MAPK10: variants seen among roughly 807,000 people sequenced by gnomAD.
The protein encoded by MAPK10 is JNK3 alpha protein kinase.
A neutral mutation model predicts 59.3 loss-of-function variants in MAPK10; 25 were observed. The observed-to-expected ratio is 0.42, with a 90% CI of 0.31 to 0.59. The LOEUF (loss-of-function observed/expected upper bound fraction) is 0.59, where lower values mean the gene tolerates loss of function less well. Among genes scored for constraint, MAPK10 ranks in the 20% least tolerant of loss-of-function variants. The pLI is 0.15. For synonymous variants in MAPK10, 190 were observed against 200.5 expected (o/e 0.95, Z 0.44); for missense variants, 351 against 568.9 (o/e 0.62, Z 3.90).
chr4:86,083,791 C>G (rs975561556), intron 9 of MAPK10, among the ~76,000 whole-genome samples: 3 of 152,114 alleles, frequency 2.0e-5, no homozygotes, highest in Non-Finnish European at 4.4e-5. Context: ...CAAAAGAGAC[C>G]TCTTCCATCC....
At chr4:86,133,166 T>C (rs2061319951) in intron 4 of MAPK10, among the ~76,000 whole-genome samples, 1 of 152,314 alleles carries the variant, frequency 6.6e-6, no homozygotes, top group East Asian at 1.9e-4. Flanking sequence ...AAACTGATCA[T>C]AGTATGGAAG....
In MAPK10 at chr4:86,217,057, T is replaced by G. The variant is rs1329859841; in HGVS notation, c.-6-22650A>C. ...TAAATGGTAAATGGTTAGGAAACTTTCAAAATTTATACATCTCATCCATGA... is the reference window on the plus strand; with the variant it reads ...TAAATGGTAAATGGTTAGGAAACTTGCAAAATTTATACATCTCATCCATGA... On this transcript the variant is annotated intron_variant, in intron 2 of 13. Coordinates refer to ENST00000641462, the MANE Select transcript of MAPK10 (RefSeq NM_138982.4). Among the ~76,000 whole-genome samples, 4 of 152,160 alleles carry G rather than the reference T, an allele frequency of 2.6e-5. No homozygotes were observed. In the East Asian group the frequency reaches 7.7e-4, roughly 29 times the overall value.
intron 1 of MAPK10, among the ~76,000 whole-genome samples, chr4:86,424,172 T>C (rs2149035777): frequency 6.6e-6 from 1 of 152,138 alleles, no homozygotes; most frequent in Non-Finnish European, 1.5e-5. Context: ...CTTCTTCAAG[T>C]CTTTTTTTTT....
intron 1 of MAPK10, among the ~76,000 whole-genome samples, chr4:86,425,972 A>G (rs1356283194): frequency 6.6e-6 from 1 of 152,164 alleles, no homozygotes; most frequent in Non-Finnish European, 1.5e-5. Context: ...CTCTGTCTCA[A>G]AAAGAAAAGA....
intron 1 of MAPK10, among the ~76,000 whole-genome samples, chr4:86,437,371 A>G (rs575319553): frequency 5.2e-4 from 79 of 152,244 alleles, no homozygotes; most frequent in African/African-American, 1.8e-3. Context: ...CTATTTAGAT[A>G]ACTAAATGAT....
At chr4:86,141,181 AG>A (rs1336499335) in intron 4 of MAPK10, among the ~76,000 whole-genome samples, 1 of 152,196 alleles carries the variant, frequency 6.6e-6, no homozygotes, top group Non-Finnish European at 1.5e-5. Flanking sequence ...ACAACATACA[AG>A]TCAAGCTCAG....
intron 2 of MAPK10, among the ~76,000 whole-genome samples, chr4:86,211,268 C>A (rs1006272230): frequency 6.6e-6 from 1 of 151,872 alleles, no homozygotes; most frequent in Non-Finnish European, 1.5e-5. Flanking sequence ...AGACCCCATG[C>A]TAAGACACAT....
At chr4:86,120,166 C>T (rs1412282182) in intron 4 of MAPK10, 6 of 152,186 alleles carry the variant, frequency 3.9e-5, no homozygotes, top group African/African-American at 1.4e-4. Context: ...ATAAACATGG[C>T]TAGACTACGA....
chr4:86,202,285 T>C (rs1476104984), intron 2 of MAPK10, among the ~76,000 whole-genome samples: 1 of 151,938 alleles, frequency 6.6e-6, no homozygotes, highest in Admixed American at 6.6e-5. Flanking sequence ...TTCCAGTCAC[T>C]CTTTGATCTT....
chr4:86,474,805 T>A (rs983605817), intron 1 of MAPK10, among the ~76,000 whole-genome samples: 2 of 152,140 alleles, frequency 1.3e-5, no homozygotes, highest in Non-Finnish European at 2.9e-5. Context: ...AGCCATCATA[T>A]CCCCTGTGAC....
intron 2 of MAPK10, among the ~76,000 whole-genome samples, chr4:86,197,723 A>T (rs1048968777): frequency 6.6e-6 from 1 of 152,188 alleles, no homozygotes; most frequent in South Asian, 2.1e-4. Flanking sequence ...AATGTTTTGC[A>T]TTGGAACTTC....
At chr4:86,074,523 G>A (rs1478168341) in intron 9 of MAPK10, among the ~76,000 whole-genome samples, 3 of 133,304 alleles carry the variant, frequency 2.3e-5, no homozygotes, top group Non-Finnish European at 3.2e-5. Context: ...ATTTTGCAGT[G>A]GCTGGTACTG....
chr4:86,310,993 G>T (rs10516773), intron 2 of MAPK10, among the ~76,000 whole-genome samples: 1 of 150,562 alleles, frequency 6.6e-6, no homozygotes, highest in Non-Finnish European at 1.5e-5. Context: ...ACAATATTAA[G>T]ACACCTGATC....
At chr4:86,356,621 A>G (rs1242884245) in intron 1 of MAPK10, 2 of 173,196 alleles carry the variant, frequency 1.2e-5, no homozygotes, top group Non-Finnish European at 2.3e-5. Flanking sequence ...TCAAACTGAA[A>G]AATCTTGAGT....
chr4:86,174,046 T>C (rs1039670370), intron 3 of MAPK10, among the ~76,000 whole-genome samples: 1 of 146,278 alleles, frequency 6.8e-6, no homozygotes, highest in Non-Finnish European at 1.5e-5. Context: ...CTTCAACCAC[T>C]GTGGAAGACA....
intron 9 of MAPK10, among the ~76,000 whole-genome samples, chr4:86,091,960 C>A (rs1015794741): frequency 4.0e-4 from 61 of 152,082 alleles, no homozygotes; most frequent in African/African-American, 1.5e-3. Flanking sequence ...GCATGAGACA[C>A]CATGCCTGGC....
chr4:86,397,864 C>CAAAAAA lies in MAPK10; in HGVS notation c.-121-43226_-121-43221dup, dbSNP rs759585442. Reference sequence around the variant, plus strand: ...TACGTAAGCTCTGAATCTGCTATGGCAAAAAAAAAAAAAAAAAAAAAAAAA... The same window carrying CAAAAAA: ...TACGTAAGCTCTGAATCTGCTATGGCAAAAAAAAAAAAAAAAAAAAAAAAAAAAAAA... On this transcript the variant is annotated intron_variant, in intron 1 of 13. Transcript: ENST00000361569. 5.8e-5 allele frequency among the ~76,000 whole-genome samples: 3 copies of CAAAAAA among 51,768 alleles called. No homozygotes were observed. In the South Asian group the frequency reaches 2.4e-3, roughly 42 times the overall value. The allele number at this position is 51,768 out of a possible 152,430, so 34.0% of individuals were successfully genotyped here.
chr4:86,513,654 T>C (rs923625067), intron 1 of MAPK10, among the ~76,000 whole-genome samples: 7 of 152,164 alleles, frequency 4.6e-5, no homozygotes, highest in Non-Finnish European at 8.8e-5. Context: ...TTTATTCAAG[T>C]AGTAGCCTTT....
chr4:86,491,049 A>C (rs1754418036), intron 1 of MAPK10, among the ~76,000 whole-genome samples: 1 of 152,192 alleles, frequency 6.6e-6, no homozygotes. Flanking sequence ...TTTTGTATAA[A>C]GATGTGATCT....
Sources: gnomAD v4.1 joint callset for allele counts (sites outside exome capture counted in the v4.1 genomes callset) on GRCh38, gnomAD v4.1.1 for gene constraint, MANE v1.5 for transcripts, NCBI Gene and HGNC (gene_info 2026-07-23, HGNC 2026-07-21) for gene names.